Variants in TENM3 observed in about 807,000 individuals in gnomAD.
TENM3 encodes the protein teneurin-3.
In TENM3, 63 loss-of-function variants were observed where a neutral mutation model predicts 255.1. That is an observed-to-expected ratio of 0.25 (90% CI 0.20 to 0.30). TENM3 has a LOEUF of 0.30. Ranked by LOEUF, TENM3 falls within the 10% of genes least tolerant of loss-of-function variation. The probability of loss-of-function intolerance (pLI) is 1.00; values close to 1 mark genes in which losing one functional copy is unlikely to be tolerated. For synonymous variants in TENM3, 1,306 were observed against 1,322.3 expected (o/e 0.99, Z 0.27); for missense variants, 2,929 against 3,461.1 (o/e 0.85, Z 3.86).
At chr4:182,576,743 C>G (rs1315174413) in intron 3 of TENM3, among the ~76,000 whole-genome samples, 1 of 152,150 alleles carries the variant, frequency 6.6e-6, no homozygotes, top group Non-Finnish European at 1.5e-5. Context: ...TCTACTAACT[C>G]TCATCACCCA....
At chr4:182,206,711 G>A (rs1288532433) in intron 1 of TENM3, among the ~76,000 whole-genome samples, 1 of 152,168 alleles carries the variant, frequency 6.6e-6, no homozygotes, top group East Asian at 1.9e-4. Context: ...TCCCCTGGAA[G>A]TCATTCCAGA....
chr4:182,305,302 T>A (rs1486164949), intron 1 of TENM3, among the ~76,000 whole-genome samples: 1 of 152,236 alleles, frequency 6.6e-6, no homozygotes, highest in Non-Finnish European at 1.5e-5. Flanking sequence ...TGTTTCTTTA[T>A]CAATACTGTA....
At chr4:182,230,519 A>G (rs981076111) in intron 1 of TENM3, among the ~76,000 whole-genome samples, 3 of 151,916 alleles carry the variant, frequency 2.0e-5, no homozygotes, top group Non-Finnish European at 2.9e-5. Flanking sequence ...GGTGCTTGCA[A>G]TAGAGCAGTG....
chr4:182,720,793 G>A (rs908010591), intron 13 of TENM3, among the ~76,000 whole-genome samples: 1 of 116,948 alleles, frequency 8.6e-6, no homozygotes, highest in Non-Finnish European at 1.9e-5. Context: ...TTGAGACAGA[G>A]TCTTGCTCTT....
the TENM3 span, among the ~76,000 whole-genome samples, chr4:181,921,699 C>G: frequency 6.6e-6 from 1 of 152,184 alleles, no homozygotes. Context: ...ATTTGACTTT[C>G]TCTTTTCCTA....
chr4:182,332,610 C>T (rs1434216953), intron 2 of TENM3, among the ~76,000 whole-genome samples: 3 of 151,324 alleles, frequency 2.0e-5, no homozygotes, highest in African/African-American at 7.3e-5. Flanking sequence ...AGGAGAATGG[C>T]GTGAACCCGG....
At chr4:182,095,623 T>G in the TENM3 span, among the ~76,000 whole-genome samples, 1 of 152,094 alleles carries the variant, frequency 6.6e-6, no homozygotes. Flanking sequence ...ATACCTGGTG[T>G]TCAGTTAGAA....
the TENM3 span, among the ~76,000 whole-genome samples, chr4:181,889,286 C>T: frequency 2.6e-5 from 4 of 152,080 alleles, no homozygotes; most frequent in Admixed American, 6.6e-5. Context: ...GTGGCACCCC[C>T]GTTCCCAGCC....
At position 182,793,178 on chromosome 4, in the gene TENM3, G is replaced by A. The variant is rs750015017; in HGVS notation, c.6506G>A (p.Arg2169His). The change falls in exon 26 of 28, where the codon CGT becomes CAT. Residue 2169 changes from arginine to histidine, a missense_variant. By Grantham distance (29) the Arg-to-His change is conservative. Around this residue, in one of 6 missense-constraint regions of TENM3, gnomAD observed 256 missense variants for 389.3 expected, o/e 0.66. Transcript: ENST00000511685. The surrounding 1 kb of genome is among the most constrained non-coding windows in gnomAD (Gnocchi z 5.7). The stretch of plus-strand genomic sequence containing the variant: ...TTACTGAACCCAAGTAACAGTGCGC[G>A]TCTGACACCCCTTCGCTATGACCTG... ...LHLLNPSNSA[R>H]LTPLRYDLRD... 7.4e-6 allele frequency: 12 copies of A among 1,613,868 alleles called. No homozygotes were observed. In the East Asian group the frequency reaches 8.9e-5, roughly 12 times the overall value.
chr4:181,816,941 A>C, the TENM3 span, among the ~76,000 whole-genome samples: 2 of 152,198 alleles, frequency 1.3e-5, no homozygotes, highest in South Asian at 4.1e-4. Flanking sequence ...TAATCATCCT[A>C]TGAGAGATAG....
chr4:181,947,073 C>A, the TENM3 span, among the ~76,000 whole-genome samples: 2 of 152,158 alleles, frequency 1.3e-5, no homozygotes, highest in African/African-American at 4.8e-5. Flanking sequence ...TTCATAATAA[C>A]CATCCTAGCC....
At chr4:182,768,548 TAGAA>T (rs946658265) in intron 22 of TENM3, among the ~76,000 whole-genome samples, 2 of 152,060 alleles carry the variant, frequency 1.3e-5, no homozygotes, top group Non-Finnish European at 2.9e-5. Flanking sequence ...GCTCTGGGAA[TAGAA>T]AGATAAATAT....
chr4:182,060,060 T>TAGAC, the TENM3 span, among the ~76,000 whole-genome samples: 1 of 152,024 alleles, frequency 6.6e-6, no homozygotes, highest in Non-Finnish European at 1.5e-5. Flanking sequence ...GCAACACAGG[T>TAGAC]AGACCCCATC....
chr4:182,091,327 T>C, the TENM3 span, among the ~76,000 whole-genome samples: 2 of 152,210 alleles, frequency 1.3e-5, no homozygotes, highest in African/African-American at 4.8e-5. Flanking sequence ...AGAAATTTAC[T>C]GCCAGGAATG....
chr4:181,453,658 C>T, the TENM3 span, among the ~76,000 whole-genome samples: 4 of 152,184 alleles, frequency 2.6e-5, no homozygotes, highest in East Asian at 3.9e-4. Flanking sequence ...TGTACTGGAC[C>T]GAAGGTGGAC....
At chr4:182,094,063 T>C in the TENM3 span, among the ~76,000 whole-genome samples, 4 of 151,882 alleles carry the variant, frequency 2.6e-5, no homozygotes, top group Non-Finnish European at 4.4e-5. Flanking sequence ...ACAGAAATAG[T>C]GGGCAGTGGA....
intron 3 of TENM3, among the ~76,000 whole-genome samples, chr4:182,523,291 A>G (rs1738777594): frequency 6.6e-6 from 1 of 152,066 alleles, no homozygotes; most frequent in African/African-American, 2.4e-5. Flanking sequence ...TCATAGACCA[A>G]AGGGAGAATG....
At chr4:182,315,756 C>CT (rs1294422265) in intron 1 of TENM3, among the ~76,000 whole-genome samples, 1 of 152,124 alleles carries the variant, frequency 6.6e-6, no homozygotes, top group Non-Finnish European at 1.5e-5. Context: ...AGTCCTGTGT[C>CT]TCTCTGATGA....
chr4:182,571,376 A>G (rs753782032), intron 3 of TENM3, among the ~76,000 whole-genome samples: 3 of 152,118 alleles, frequency 2.0e-5, no homozygotes, highest in African/African-American at 4.8e-5. Context: ...AAAAACAAAA[A>G]TTAGCTGGGC....
Sources: allele counts gnomAD v4.1 joint callset (sites outside exome capture counted in the v4.1 genomes callset), GRCh38; gene constraint gnomAD v4.1.1; regional missense constraint gnomAD v4.1.1; non-coding constraint Gnocchi (gnomAD v3.1); transcripts MANE v1.5; gene names NCBI Gene and HGNC (gene_info 2026-07-23, HGNC 2026-07-21).